The following KRT7 variants were observed in gnomAD, a reference collection of about 807,000 sequenced individuals.
KRT7 encodes keratin 7, also known as keratin, type II cytoskeletal 7.
A neutral mutation model predicts 42.8 loss-of-function variants in KRT7; 50 were observed. The observed-to-expected ratio is 1.17, with a 90% CI of 0.93 to 1.48. The LOEUF (loss-of-function observed/expected upper bound fraction) is 1.48, where lower values mean the gene tolerates loss of function less well. KRT7 is among the 40% of genes most tolerant of loss of function. KRT7 has a pLI of 0.00. For missense variants in KRT7, 588 were observed against 637.6 expected, an observed-to-expected ratio of 0.92 and a Z score of 0.84; for synonymous variants, 268 against 266.3, an observed-to-expected ratio of 1.01 and a Z score of -0.06.
At chr12:52,240,474 A>G (rs1942072402) in intron 4 of KRT7, among the ~76,000 whole-genome samples, 1 of 151,978 alleles carries the variant, frequency 6.6e-6, no homozygotes, top group African/African-American at 2.4e-5. Flanking sequence ...TACTAAAAAT[A>G]CAAAAATTAG....
At chr12:52,254,265 G>T (rs182083469), downstream of KRT7, 2 of 914,758 alleles carry the variant, frequency 2.2e-6, no homozygotes, top group South Asian at 1.3e-5. Flanking sequence ...TTGTGACCCC[G>T]CACCTCCTCA....
chr12:52,237,086 G>T (rs983325388), intron 2 of KRT7, among the ~76,000 whole-genome samples: 4 of 152,216 alleles, frequency 2.6e-5, no homozygotes, highest in Non-Finnish European at 5.9e-5. Context: ...AGATTACGCT[G>T]CCTCTCTGTG....
chr12:52,245,599 C>A lies in KRT7; in HGVS notation c.1172C>A (p.Thr391Asn), dbSNP rs760469277. 1 of 1,613,868 alleles carries A rather than the reference C, an allele frequency of 6.2e-7. No homozygotes were observed. Among genetic ancestry groups the A allele is most frequent in the South Asian group, 1.1e-5 (1 of 91,064 alleles). ...CTGGCCCTGGACATCGAGATCGCCA[C>A]CTACCGCAAGCTGCTGGAGGGCGAG... ...VKLALDIEIA[T>N]YRKLLEGEES... Residue 391 changes from threonine to asparagine, a missense_variant, in exon 7 of 9, where the codon ACC becomes AAC. By Grantham distance (65) the Thr-to-Asn change is moderately conservative. Coordinates refer to ENST00000331817, the MANE Select transcript of KRT7 (RefSeq NM_005556.4).
chr12:52,248,701 C>G lies in KRT7; in HGVS notation c.1351C>G (p.Leu451Val). 1 of 1,612,488 alleles carries G rather than the reference C, an allele frequency of 6.2e-7. No individual in the cohort carries two copies. ...LSFSSSAGPG[L>V]LKAYSIRTAS... is the part of the protein sequence containing the mutation. ...CTTCTCCAGCAGTGCGGGTCCTGGG[C>G]TCCTGAAGGCTTATTCCATCCGGAC... Residue 451 changes from leucine (L) to valine (V), a missense_variant, in exon 9 of 9, where the codon CTC (leucine) becomes GTC (valine). Leu to Val is a conservative substitution (Grantham distance 32, BLOSUM62 1). Coordinates refer to ENST00000331817, the MANE Select transcript of KRT7 (RefSeq NM_005556.4).
At position 52,241,563 on chromosome 12, in the gene KRT7, C is replaced by T; in HGVS notation, c.785C>T (p.Ala262Val). Residue 262 changes from alanine (A) to valine (V), a missense_variant, in exon 5 of 9, where the codon GCT (alanine) becomes GTT (valine). Ala to Val is a moderately conservative substitution (Grantham distance 64, BLOSUM62 0). Transcript: ENST00000331817. ...SRSLDLDGII[A>V]EVKAQYEEMA... Reference sequence around the variant, plus strand: ...TCCCTGGACCTGGACGGCATCATCGCTGAGGTCAAGGCGCAGTATGAGGAG... The same window carrying T: ...TCCCTGGACCTGGACGGCATCATCGTTGAGGTCAAGGCGCAGTATGAGGAG... 1 of 1,614,040 alleles carries T rather than the reference C, an allele frequency of 6.2e-7. No homozygotes were observed. The highest frequency in any genetic ancestry group is 8.5e-7 in the Non-Finnish European group (1 of 1,179,924).
At chr12:52,249,530 G>A (rs1015360373), downstream of KRT7, 4 of 152,376 alleles carry the variant, frequency 2.6e-5, no homozygotes, top group African/African-American at 9.7e-5. Flanking sequence ...TGGAGGGATG[G>A]GTTTGTATCT....
Position 52,243,064 on chromosome 12 carries a change from C to T in KRT7, c.911C>T (p.Thr304Ile). 1 of 1,613,894 alleles carries T rather than the reference C, an allele frequency of 6.2e-7. No individual in the cohort carries two copies. Among genetic ancestry groups the T allele is most frequent in the Non-Finnish European group, 8.5e-7 (1 of 1,179,896 alleles). The change falls in exon 6 of 9, where the codon ACC (threonine) becomes ATC (isoleucine). Residue 304 changes from threonine to isoleucine, a missense_variant. Physicochemically the swap from Thr to Ile is moderately conservative, Grantham distance 89 (BLOSUM62 -1). Transcript: ENST00000331817. ...AAGCATGGGGACGACCTCCGGAATA[C>T]CCGGAATGAGATTTCAGAGATGAAC... Reference protein sequence around the residue: ...AGKHGDDLRNTRNEISEMNRA... With the variant: ...AGKHGDDLRNIRNEISEMNRA...
intron 5 of KRT7, chr12:52,241,934 A>T (rs1942098394): frequency 1.0e-5 from 2 of 199,942 alleles, no homozygotes; most frequent in East Asian, 2.2e-4. Flanking sequence ...GATAGGCATC[A>T]TTATTACCCC....
chr12:52,244,594 G>C (rs1440358583), intron 6 of KRT7: 1 of 985,872 alleles, frequency 1.0e-6, no homozygotes, highest in Non-Finnish European at 1.2e-6. Context: ...AAGAGGATCT[G>C]AGGATAGAGA....
At chr12:52,240,307 C>T (rs1942069323) in intron 4 of KRT7, among the ~76,000 whole-genome samples, 1 of 152,148 alleles carries the variant, frequency 6.6e-6, no homozygotes, top group Admixed American at 6.5e-5. Flanking sequence ...TGCAAAACAA[C>T]CAAAAAATTA....
chr12:52,244,487 A>T, intron 6 of KRT7: 2 of 985,818 alleles, frequency 2.0e-6, no homozygotes, highest in Non-Finnish European at 2.4e-6. Flanking sequence ...CCAGTGTGAC[A>T]GGGCAGGGCA....
At chr12:52,253,760 G>A (rs756368619), downstream of KRT7, 9 of 935,448 alleles carry the variant, frequency 9.6e-6, no homozygotes, top group South Asian at 1.0e-4. Flanking sequence ...GGAGAACGCG[G>A]ATCTCCTGCA....
downstream of KRT7, chr12:52,248,924 T>A (rs1284280861): frequency 1.1e-4 from 65 of 593,418 alleles, 1 homozygote; most frequent in East Asian, 2.2e-3. Context: ...GTGATCCACG[T>A]GCCTGGTATC....
chr12:52,244,588 G>T, intron 6 of KRT7: 3 of 985,926 alleles, frequency 3.0e-6, no homozygotes, highest in Non-Finnish European at 3.6e-6. Context: ...TGAGGGAAGA[G>T]GATCTGAGGA....
At position 52,243,067 on chromosome 12, in the gene KRT7, G is replaced by T. The variant is rs368558949; in HGVS notation, c.914G>T (p.Arg305Leu). The T allele has an allele frequency of 6.2e-7, 1 of 1,613,886 alleles. No individual in the cohort carries two copies. The highest frequency in any genetic ancestry group is 2.2e-5 in the East Asian group (1 of 44,856). The part of the protein sequence containing the change: ...GKHGDDLRNT[R>L]NEISEMNRAI... ...CATGGGGACGACCTCCGGAATACCC[G>T]GAATGAGATTTCAGAGATGAACCGG... Residue 305 changes from arginine (R) to leucine (L), a missense_variant, in exon 6 of 9, where the codon CGG becomes CTG. By Grantham distance (102) the Arg-to-Leu change is moderately radical. Coordinates refer to ENST00000331817, the MANE Select transcript of KRT7 (RefSeq NM_005556.4).
At chr12:52,242,699 G>A (rs1184989982) in intron 5 of KRT7, among the ~76,000 whole-genome samples, 1 of 152,102 alleles carries the variant, frequency 6.6e-6, no homozygotes, top group African/African-American at 2.4e-5. Context: ...TGGGTGTTCT[G>A]GGTGTTGAAT....
At position 52,243,122 on chromosome 12, in the gene KRT7, C is replaced by T; in HGVS notation, c.969C>T (p.Asp323=). ...TCCAGAGGCTGCAGGCTGAGATCGA[C>T]AACATCAAGAACCAGGTGGGACAAG... The part of the protein sequence containing the change: ...RAIQRLQAEI[D]NIKNQRAKLE... Residue 323 remains aspartate, a synonymous_variant, in exon 6 of 9, where the codon GAC becomes GAT. Transcript: ENST00000331817. 2 of 1,612,574 alleles carry T rather than the reference C, an allele frequency of 1.2e-6. No homozygotes were observed. The highest frequency in any genetic ancestry group is 1.7e-6 in the Non-Finnish European group (2 of 1,179,200).
chr12:52,242,904 TCCTTC>T, intron 5 of KRT7, 103 bp from the exon 6 acceptor site: 4 of 1,306,222 alleles, frequency 3.1e-6, no homozygotes, highest in Non-Finnish European at 4.2e-6. Context: ...AGTCAGACTG[TCCTTC>T]CCTGAAAATA....
chr12:52,243,992 TG>T (rs1428899643), intron 6 of KRT7, among the ~76,000 whole-genome samples: 1 of 152,190 alleles, frequency 6.6e-6, no homozygotes, highest in Non-Finnish European at 1.5e-5. Context: ...TGCTGGAAGC[TG>T]GGGTTGGAGG....
Sources: allele counts gnomAD v4.1 joint callset (sites outside exome capture counted in the v4.1 genomes callset), GRCh38; gene constraint gnomAD v4.1.1; transcripts MANE v1.5; gene names NCBI Gene and HGNC (gene_info 2026-07-23, HGNC 2026-07-21).